Variants in PABPC4L observed in about 807,000 individuals in gnomAD.
The protein encoded by PABPC4L is polyadenylate-binding protein 4-like.
For missense variants in PABPC4L, 452 were observed against 451.4 expected (o/e 1.00, Z -0.01); for synonymous variants, 169 against 164.1 (o/e 1.03, Z -0.23).
At chr4:134,112,721 ATG>A in the PABPC4L span, among the ~76,000 whole-genome samples, 27 of 151,960 alleles carry the variant, frequency 1.8e-4, no homozygotes, top group Non-Finnish European at 3.5e-4. Flanking sequence ...ATGTATATAT[ATG>A]TGTGTGTGTA....
At chr4:134,014,307 T>C in the PABPC4L span, among the ~76,000 whole-genome samples, 1 of 152,150 alleles carries the variant, frequency 6.6e-6, no homozygotes, top group African/African-American at 2.4e-5. Context: ...AGTAGCAACA[T>C]ATTTCTGAGT....
the PABPC4L span, among the ~76,000 whole-genome samples, chr4:133,971,106 CTTTTTTTTTTTTT>C: frequency 1.6e-5 from 1 of 63,974 alleles, no homozygotes; most frequent in Non-Finnish European, 2.7e-5. Flanking sequence ...ATCTTATATT[CTTTTTTTTTTTTT>C]TTTTTTTTTT....
At chr4:134,061,626 G>C in the PABPC4L span, among the ~76,000 whole-genome samples, 1 of 13,988 alleles carries the variant, frequency 7.1e-5, no homozygotes, top group Non-Finnish European at 1.2e-4. Flanking sequence ...TACACAGAGA[G>C]AGAGAGAGAG....
chr4:134,011,613 A>T, the PABPC4L span, among the ~76,000 whole-genome samples: 1 of 152,148 alleles, frequency 6.6e-6, no homozygotes, highest in Non-Finnish European at 1.5e-5. Flanking sequence ...AATTATGAAT[A>T]CGATTATTTT....
chr4:134,157,162 G>A, the PABPC4L span, among the ~76,000 whole-genome samples: 5 of 151,294 alleles, frequency 3.3e-5, no homozygotes, highest in African/African-American at 9.7e-5. Flanking sequence ...GTTTGATCCC[G>A]GGGTTGTTTA....
At chr4:134,108,038 C>G in the PABPC4L span, among the ~76,000 whole-genome samples, 2 of 151,434 alleles carry the variant, frequency 1.3e-5, no homozygotes, top group African/African-American at 4.8e-5. Context: ...TTACTATATA[C>G]TTATAGAAAT....
the PABPC4L span, among the ~76,000 whole-genome samples, chr4:133,999,015 T>A: frequency 6.6e-6 from 1 of 151,992 alleles, no homozygotes; most frequent in Non-Finnish European, 1.5e-5. Context: ...GAAAGGACTG[T>A]TCTTATCTTT....
chr4:134,017,268 T>G, the PABPC4L span, among the ~76,000 whole-genome samples: 1 of 152,108 alleles, frequency 6.6e-6, no homozygotes. Context: ...TTTATCACTT[T>G]CCCTTCTCAG....
chr4:134,191,717 T>C (rs1313653253), downstream of PABPC4L, among the ~76,000 whole-genome samples: 1 of 152,080 alleles, frequency 6.6e-6, no homozygotes, highest in Non-Finnish European at 1.5e-5. Flanking sequence ...ACATATTGGT[T>C]GACCCTAAAG....
chr4:134,044,465 C>T, the PABPC4L span, among the ~76,000 whole-genome samples: 938 of 151,958 alleles, frequency 6.2e-3, 6 homozygotes, highest in African/African-American at 0.021. Flanking sequence ...GGTGTTTCAC[C>T]GTGTTAGCCA....
At chr4:133,980,779 C>T in the PABPC4L span, among the ~76,000 whole-genome samples, 3 of 152,266 alleles carry the variant, frequency 2.0e-5, no homozygotes, top group South Asian at 6.2e-4. Flanking sequence ...AAATGATCAT[C>T]TTAGAAATGT....
chr4:134,028,098 T>C, the PABPC4L span, among the ~76,000 whole-genome samples: 3 of 152,106 alleles, frequency 2.0e-5, no homozygotes, highest in East Asian at 5.8e-4. Context: ...TGGGAACTTG[T>C]TAGAAATGCA....
At chr4:134,180,985 ATT>A in the PABPC4L span, among the ~76,000 whole-genome samples, 4 of 152,020 alleles carry the variant, frequency 2.6e-5, no homozygotes, top group African/African-American at 9.7e-5. Flanking sequence ...TACTGAAACT[ATT>A]CCAAAAAATT....
the PABPC4L span, among the ~76,000 whole-genome samples, chr4:134,063,589 G>A: frequency 5.9e-5 from 9 of 152,028 alleles, no homozygotes; most frequent in African/African-American, 2.2e-4. Flanking sequence ...TGTATACTGT[G>A]TCACAGAGGA....
chr4:134,092,802 C>T, the PABPC4L span, among the ~76,000 whole-genome samples: 1 of 152,032 alleles, frequency 6.6e-6, no homozygotes, highest in African/African-American at 2.4e-5. Context: ...ATCGCAAGTC[C>T]CACAAGAGGG....
At chr4:133,990,974 C>A in the PABPC4L span, among the ~76,000 whole-genome samples, 2 of 152,188 alleles carry the variant, frequency 1.3e-5, no homozygotes. Flanking sequence ...CCACCCTGAC[C>A]AATCTCCTTC....
the PABPC4L span, among the ~76,000 whole-genome samples, chr4:134,059,404 A>T: frequency 2.6e-4 from 39 of 149,842 alleles, no homozygotes; most frequent in African/African-American, 9.5e-4. Flanking sequence ...ATATATATAT[A>T]TAGTGTGCGT....
the PABPC4L span, among the ~76,000 whole-genome samples, chr4:134,150,955 A>C: frequency 6.6e-6 from 1 of 152,220 alleles, no homozygotes; most frequent in African/African-American, 2.4e-5. Context: ...CAGCCATGAA[A>C]ATACATGAAC....
At chr4:133,979,565 C>T in the PABPC4L span, among the ~76,000 whole-genome samples, 2 of 152,196 alleles carry the variant, frequency 1.3e-5, no homozygotes, top group African/African-American at 4.8e-5. Context: ...CTGGGCTTTC[C>T]GTATTAGTTC....
Sources: allele counts gnomAD v4.1 joint callset (sites outside exome capture counted in the v4.1 genomes callset), GRCh38; gene constraint gnomAD v4.1.1; transcripts MANE v1.5; gene names NCBI Gene and HGNC (gene_info 2026-07-23, HGNC 2026-07-21).